The following CCDC93 variants were observed in gnomAD, a reference collection of about 807,000 sequenced individuals.
CCDC93 encodes coiled-coil domain-containing protein 93.
A neutral mutation model predicts 108.2 loss-of-function variants in CCDC93; 61 were observed. That is an observed-to-expected ratio of 0.56 (90% confidence interval 0.46 to 0.70). The LOEUF (loss-of-function observed/expected upper bound fraction) is 0.70, where lower values mean the gene tolerates loss of function less well. Among genes scored for constraint, CCDC93 ranks in the 30% least tolerant of loss-of-function variants. The pLI, the probability that CCDC93 is intolerant of heterozygous loss-of-function variation, is 0.00. For missense variants in CCDC93, 685 were observed against 764.2 expected, an observed-to-expected ratio of 0.90 and a Z score of 1.22; for synonymous variants, 276 against 260.4, an observed-to-expected ratio of 1.06 and a Z score of -0.58.
At chr2:117,941,402 C>T (rs903082472) in intron 18 of CCDC93, 105 bp from the exon 19 acceptor site, 48 of 799,402 alleles carry the variant, frequency 6.0e-5, no homozygotes, top group South Asian at 1.2e-4. Flanking sequence ...CCCAACCATG[C>T]GCCCTACAAT....
intron 7 of CCDC93, 64 bp from the exon 8 acceptor site, chr2:117,978,094 C>T (rs1472748560): frequency 6.9e-7 from 1 of 1,444,280 alleles, no homozygotes; most frequent in Non-Finnish European, 9.7e-7. Flanking sequence ...CAGTGAAATG[C>T]ATTTTGGTTG....
intron 22 of CCDC93, chr2:117,934,771 C>T (rs928917917): frequency 7.2e-5 from 11 of 152,220 alleles, no homozygotes; most frequent in African/African-American, 2.7e-4. Context: ...AGAAACCCAA[C>T]GTCCCCGGAA....
intron 13 of CCDC93, chr2:117,951,150 CTT>C: frequency 1.0e-6 from 1 of 985,224 alleles, no homozygotes; most frequent in Non-Finnish European, 1.2e-6. Context: ...CCTTTAATCT[CTT>C]TCAGATTATT....
Position 117,920,039 on chromosome 2 carries a change from A to G in CCDC93, c.*304T>C. On this transcript the variant is annotated 3_prime_UTR_variant, in exon 24 of 24. Transcript: ENST00000376300. Reference sequence around the variant, plus strand: ...TTCTTTATTCAGAGTCCATACAAATACAGGTACCTTCATAAGCGCAATGTT... The same window carrying G: ...TTCTTTATTCAGAGTCCATACAAATGCAGGTACCTTCATAAGCGCAATGTT... 4.0e-6 allele frequency: 1 copy of G among 249,232 alleles called. No individual in the cohort carries two copies. Among genetic ancestry groups the G allele is most frequent in the Non-Finnish European group, 7.8e-6 (1 of 129,028 alleles). The allele number at this position is 249,232 out of a possible 1,614,324, so 15.4% of individuals were successfully genotyped here. A position where few individuals can be genotyped will look rare whatever the true frequency, so the allele number is the denominator to read the frequency against.
intron 6 of CCDC93, among the ~76,000 whole-genome samples, chr2:117,993,725 TTG>T (rs1680558323): frequency 6.6e-6 from 1 of 152,106 alleles, no homozygotes; most frequent in South Asian, 2.1e-4. Context: ...GGAATCTTTG[TTG>T]TGTTTTTGTT....
intron 1 of CCDC93, among the ~76,000 whole-genome samples, chr2:118,013,095 A>G (rs1016638031): frequency 1.3e-5 from 2 of 152,206 alleles, no homozygotes; most frequent in African/African-American, 4.8e-5. Flanking sequence ...AATCAACTGA[A>G]AGGGACGACA....
intron 11 of CCDC93, among the ~76,000 whole-genome samples, chr2:117,966,410 G>C (rs1159168967): frequency 6.6e-6 from 1 of 152,220 alleles, no homozygotes; most frequent in Non-Finnish European, 1.5e-5. Flanking sequence ...AAGGGATATG[G>C]CAGGGCCATT....
intron 14 of CCDC93, among the ~76,000 whole-genome samples, chr2:117,948,936 G>C (rs79325905): frequency 0.018 from 2,736 of 152,312 alleles, 73 homozygotes; most frequent in African/African-American, 0.06. Flanking sequence ...AAGGAGGCAC[G>C]AGCTGTTTAA....
intron 23 of CCDC93, among the ~76,000 whole-genome samples, chr2:117,923,577 C>T (rs145200466): frequency 5.3e-5 from 8 of 152,126 alleles, no homozygotes; most frequent in Non-Finnish European, 7.3e-5. Context: ...GAGGGGCACC[C>T]GCCATTTCTG....
At chr2:117,951,326 G>A (rs1400137996) in intron 13 of CCDC93, 4 of 985,346 alleles carry the variant, frequency 4.1e-6, no homozygotes, top group Admixed American at 6.1e-5. Context: ...CAAGGCAGGC[G>A]TCTTTATGAA....
intron 12 of CCDC93, among the ~76,000 whole-genome samples, chr2:117,953,641 G>A (rs1679128716): frequency 6.6e-6 from 1 of 150,928 alleles, no homozygotes; most frequent in Admixed American, 6.6e-5. Flanking sequence ...AAGTGATTAA[G>A]TCATGAGGGC....
chr2:117,980,782 G>A (rs1680094407), intron 7 of CCDC93, among the ~76,000 whole-genome samples: 1 of 152,098 alleles, frequency 6.6e-6, no homozygotes, highest in East Asian at 1.9e-4. Context: ...TGCAACCATC[G>A]CTATTATCGA....
Position 117,995,739 on chromosome 2 carries a change from T to C in CCDC93, c.463-237A>G, listed in dbSNP as rs1680627316. 21 of 427,262 alleles carry C rather than the reference T, an allele frequency of 4.9e-5. No homozygotes were observed. In the South Asian group the frequency reaches 6.1e-4, roughly 12 times the overall value. 26.5% of individuals were successfully genotyped at this position (427,262 alleles called of 1,614,324 possible). A position where few individuals can be genotyped will look rare whatever the true frequency, so the allele number is the denominator to read the frequency against. On this transcript the variant is annotated intron_variant, in intron 5 of 23. Coordinates refer to ENST00000376300, the MANE Select transcript of CCDC93 (RefSeq NM_019044.5). ...AGAAAAAGGGGGTCATAAGGAATAG[T>C]GCTTAAGACGAGAGTTCTCATTTCA...
intron 23 of CCDC93, among the ~76,000 whole-genome samples, chr2:117,928,110 T>A (rs1274614316): frequency 6.6e-6 from 1 of 152,148 alleles, no homozygotes; most frequent in East Asian, 1.9e-4. Flanking sequence ...AAAAATTAAT[T>A]CAAGACGGAT....
chr2:117,923,902 A>G (rs1677981721), intron 23 of CCDC93, among the ~76,000 whole-genome samples: 1 of 152,196 alleles, frequency 6.6e-6, no homozygotes, highest in Admixed American at 6.5e-5. Context: ...TTGACACATC[A>G]CACAGCTGGG....
chr2:117,961,407 T>TA (rs1356643347), intron 11 of CCDC93, among the ~76,000 whole-genome samples: 1 of 152,226 alleles, frequency 6.6e-6, no homozygotes, highest in African/African-American at 2.4e-5. Flanking sequence ...ACAGTACTTA[T>TA]AAACTTGTAA....
At chr2:117,961,630 C>A (rs778310394) in intron 11 of CCDC93, among the ~76,000 whole-genome samples, 8 of 152,140 alleles carry the variant, frequency 5.3e-5, no homozygotes, top group Non-Finnish European at 1.2e-4. Flanking sequence ...AGAACTCAGA[C>A]TGATGAAGAC....
At chr2:117,951,479 T>G (rs1204047584) in intron 13 of CCDC93, 2 of 987,238 alleles carry the variant, frequency 2.0e-6, no homozygotes, top group African/African-American at 3.5e-5. Flanking sequence ...GTGCTACATA[T>G]CGCTACAGAG....
intron 6 of CCDC93, among the ~76,000 whole-genome samples, chr2:117,986,968 C>A (rs1341349585): frequency 6.8e-6 from 1 of 148,100 alleles, no homozygotes; most frequent in Admixed American, 6.8e-5. Context: ...TTGAGCTTAA[C>A]TGCTATTGTA....
Sources: allele counts gnomAD v4.1 joint callset (sites outside exome capture counted in the v4.1 genomes callset), GRCh38; gene constraint gnomAD v4.1.1; transcripts MANE v1.5; gene names NCBI Gene and HGNC (gene_info 2026-07-23, HGNC 2026-07-21).